The following UNC5D variants were observed in gnomAD, a reference collection of about 807,000 sequenced individuals.
UNC5D encodes the protein netrin receptor UNC5D.
A neutral mutation model predicts 105.4 loss-of-function variants in UNC5D; 39 were observed. The ratio of observed to expected loss-of-function variants is 0.37; its 90% CI spans 0.29 to 0.48. UNC5D has a LOEUF of 0.48. UNC5D is among the 20% of genes least tolerant of loss of function. The pLI, the probability that UNC5D is intolerant of heterozygous loss-of-function variation, is 0.98. For missense variants in UNC5D, 991 were observed against 1,202.4 expected (o/e 0.82, Z 2.60); for synonymous variants, 452 against 450.4 (o/e 1.00, Z -0.04).
chr8:35,235,995 C>T (rs1479548031), intron 1 of UNC5D, 108 bp downstream of exon 1: 4 of 999,126 alleles, frequency 4.0e-6, no homozygotes, highest in Non-Finnish European at 5.1e-6. Context: ...CGCCCTGCAC[C>T]TCGGCGCTCC....
At chr8:35,344,745 A>G (rs77862858) in intron 1 of UNC5D, among the ~76,000 whole-genome samples, 1,801 of 152,178 alleles carry the variant, frequency 0.012, 39 homozygotes, top group African/African-American at 0.042. Context: ...CTGATGCTTC[A>G]GATCCTTTAC....
At chr8:35,728,481 T>G (rs1829015476) in intron 10 of UNC5D, among the ~76,000 whole-genome samples, 2 of 152,166 alleles carry the variant, frequency 1.3e-5, no homozygotes, top group Admixed American at 6.5e-5. Flanking sequence ...CCAAACAGTT[T>G]CTCCTTGAAA....
rs952883073 is a variant in UNC5D, at chr8:35,284,578, G to A, written c.103+48691G>A. ...TCTTTTCTTTTCTTTTCTTTTTGAC[G>A]GAGTCTCACTCTGTCGCCCAGGCTG... On this transcript the variant is annotated intron_variant, in intron 1 of 16. Transcript: ENST00000404895. Among the ~76,000 whole-genome samples the A allele has an allele frequency of 3.3e-5, 5 of 151,768 alleles. No homozygotes were observed. In the East Asian group the frequency reaches 7.7e-4, roughly 23 times the overall value.
rs1802407602 is a variant in UNC5D, at chr8:35,235,671, G to C, written c.-114G>C. 1.3e-6 allele frequency: 1 copy of C among 773,182 alleles called. No individual in the cohort carries two copies. Among genetic ancestry groups the C allele is most frequent in the Non-Finnish European group, 1.8e-6 (1 of 571,236 alleles). The allele number at this position is 773,182 out of a possible 1,614,324, so 47.9% of individuals were successfully genotyped here. On this transcript the variant is annotated 5_prime_UTR_variant, in exon 1 of 17. Coordinates refer to ENST00000404895, the MANE Select transcript of UNC5D (RefSeq NM_080872.4). ...TGCTTTAGGAAGCGATCGTGGAGCAGAGTCACTCTCTGAAGACTCCCGAGA... is the reference window on the plus strand; with the variant it reads ...TGCTTTAGGAAGCGATCGTGGAGCACAGTCACTCTCTGAAGACTCCCGAGA...
At chr8:35,778,749 A>G (rs1802370628) in intron 16 of UNC5D, among the ~76,000 whole-genome samples, 1 of 152,124 alleles carries the variant, frequency 6.6e-6, no homozygotes, top group Non-Finnish European at 1.5e-5. Context: ...GGAAGAAAAC[A>G]TTTGCTTTTA....
chr8:35,273,361 AATAG>A (rs1468155940), intron 1 of UNC5D, among the ~76,000 whole-genome samples: 2 of 152,212 alleles, frequency 1.3e-5, no homozygotes, highest in African/African-American at 2.4e-5. Flanking sequence ...ACTGTGAAGA[AATAG>A]ATAGGTGTTT....
chr8:35,469,845 T>G (rs1809578351), intron 1 of UNC5D, among the ~76,000 whole-genome samples: 1 of 152,174 alleles, frequency 6.6e-6, no homozygotes, highest in African/African-American at 2.4e-5. Context: ...GGAACAAATA[T>G]CAAAATATGA....
intron 14 of UNC5D, among the ~76,000 whole-genome samples, chr8:35,760,352 C>A (rs1057402012): frequency 2.6e-5 from 4 of 151,982 alleles, no homozygotes; most frequent in African/African-American, 9.6e-5. Flanking sequence ...CAGAACACGC[C>A]TTTCTTAAGA....
At chr8:35,356,024 T>G (rs1801531542) in intron 1 of UNC5D, among the ~76,000 whole-genome samples, 1 of 152,160 alleles carries the variant, frequency 6.6e-6, no homozygotes, top group African/African-American at 2.4e-5. Flanking sequence ...ATACAAACAA[T>G]TCTCCTGCCT....
At chr8:35,474,811 T>C (rs1354744931) in intron 1 of UNC5D, among the ~76,000 whole-genome samples, 2 of 152,174 alleles carry the variant, frequency 1.3e-5, no homozygotes, top group Non-Finnish European at 2.9e-5. Flanking sequence ...TAAATTCCCT[T>C]GACTAATAAA....
intron 1 of UNC5D, among the ~76,000 whole-genome samples, chr8:35,501,203 T>C (rs1811945559): frequency 6.6e-6 from 1 of 152,240 alleles, no homozygotes; most frequent in South Asian, 2.1e-4. Flanking sequence ...TTCGAAATAA[T>C]GCCATCTATC....
chr8:35,447,030 C>T (rs1310723310), intron 1 of UNC5D, among the ~76,000 whole-genome samples: 1 of 152,050 alleles, frequency 6.6e-6, no homozygotes, highest in Non-Finnish European at 1.5e-5. Context: ...TCATCATTGC[C>T]ATTATCCTCA....
At chr8:35,763,229 A>T (rs543195675) in intron 14 of UNC5D, among the ~76,000 whole-genome samples, 4 of 152,282 alleles carry the variant, frequency 2.6e-5, no homozygotes, top group South Asian at 2.1e-4. Flanking sequence ...CAGATTTTTT[A>T]AAATGTTTGG....
intron 1 of UNC5D, among the ~76,000 whole-genome samples, chr8:35,289,626 A>G (rs773844923): frequency 2.6e-5 from 4 of 152,264 alleles, no homozygotes; most frequent in Admixed American, 6.5e-5. Flanking sequence ...AACAAATTTA[A>G]GAGAATGAAA....
chr8:35,370,964 C>T (rs1802396920), intron 1 of UNC5D, among the ~76,000 whole-genome samples: 1 of 152,018 alleles, frequency 6.6e-6, no homozygotes, highest in Admixed American at 6.6e-5. Flanking sequence ...TGGCTTATAC[C>T]TGTAATCTGA....
Position 35,794,322 on chromosome 8 carries a change from G to A in UNC5D, c.*3759G>A, listed in dbSNP as rs1288321491. On this transcript the variant is annotated 3_prime_UTR_variant, in exon 17 of 17. Transcript: ENST00000404895. ...AGGTCACAGGAATCGTGAAGGAGCT[G>A]AGAAATCTTCCTCTCCGGCCCACTG... 2 of 152,174 alleles carry A rather than the reference G, an allele frequency of 1.3e-5. No individual in the cohort carries two copies. Among genetic ancestry groups the A allele is most frequent in the Non-Finnish European group, 2.9e-5 (2 of 68,040 alleles). The allele number at this position is 152,174 out of a possible 1,614,324, so 9.4% of individuals were successfully genotyped here.
Position 35,488,065 on chromosome 8 carries a change from A to C in UNC5D, c.104-61227A>C, listed in dbSNP as rs79956762. Among the ~76,000 whole-genome samples the C allele has an allele frequency of 7.2e-5, 11 of 152,340 alleles. No homozygotes were observed. In the East Asian group the frequency reaches 2.1e-3, roughly 29 times the overall value. On this transcript the variant is annotated intron_variant, in intron 1 of 16. Transcript: ENST00000404895. ...GAGATAAATGAGGAATTGATAAGCA[A>C]AAATCAGAACATGAAGATTTGGAAA...
intron 4 of UNC5D, among the ~76,000 whole-genome samples, chr8:35,635,669 CATTT>C (rs1255747826): frequency 6.6e-6 from 1 of 152,096 alleles, no homozygotes. Flanking sequence ...TTCTGTGTGG[CATTT>C]ATTTATTTGT....
intron 1 of UNC5D, among the ~76,000 whole-genome samples, chr8:35,476,102 T>C (rs1810077969): frequency 6.6e-6 from 1 of 152,220 alleles, no homozygotes; most frequent in Non-Finnish European, 1.5e-5. Flanking sequence ...AGTTGTGCTA[T>C]GTGCAAGCTG....
Sources: allele counts gnomAD v4.1 joint callset (sites outside exome capture counted in the v4.1 genomes callset), GRCh38; gene constraint gnomAD v4.1.1; transcripts MANE v1.5; gene names NCBI Gene and HGNC (gene_info 2026-07-23, HGNC 2026-07-21).